Variants in SSR3 observed in about 807,000 individuals in gnomAD.
SSR3 encodes signal sequence receptor subunit 3.
In SSR3, 10 loss-of-function variants were observed where a neutral mutation model predicts 22.1. The observed-to-expected ratio is 0.45, with a 90% CI of 0.28 to 0.77. The LOEUF (loss-of-function observed/expected upper bound fraction) is 0.77. Among genes scored for constraint, SSR3 ranks in the 30% least tolerant of loss-of-function variants. The pLI is 0.13. For missense variants in SSR3, 181 were observed against 220.5 expected, an observed-to-expected ratio of 0.82 and a Z score of 1.13; for synonymous variants, 104 against 82.5, an observed-to-expected ratio of 1.26 and a Z score of -1.42.
chr3:156,550,914 A>C (rs2108449409), intron 2 of SSR3, among the ~76,000 whole-genome samples: 1 of 152,266 alleles, frequency 6.6e-6, no homozygotes, highest in Non-Finnish European at 1.5e-5. Context: ...TTTATAGCTG[A>C]GGAATCTGAA....
Position 156,544,455 on chromosome 3 carries a change from C to A in SSR3, c.360-16G>T. The A allele has an allele frequency of 1.3e-6, 2 of 1,514,026 alleles. No individual in the cohort carries two copies. The highest frequency in any genetic ancestry group is 1.4e-5 in the South Asian group (1 of 72,412). 93.8% of individuals were successfully genotyped at this position (1,514,026 alleles called of 1,614,324 possible). A position where few individuals can be genotyped will look rare whatever the true frequency, so the allele number is the denominator to read the frequency against. ...CCACAAGATTCTACAGACACAGAAACAAGTCAAACAAGCTTATAAATATGA... is the reference window on the plus strand; with the variant it reads ...CCACAAGATTCTACAGACACAGAAAAAAGTCAAACAAGCTTATAAATATGA... On this transcript the variant is annotated splice_polypyrimidine_tract_variant and intron_variant, in intron 3 of 4. Transcript: ENST00000265044.
intron 2 of SSR3, 112 bp downstream of exon 2, chr3:156,553,541 AAT>A: frequency 9.5e-7 from 1 of 1,057,570 alleles, no homozygotes; most frequent in South Asian, 2.0e-5. Context: ...AATGTTTATT[AAT>A]ATATATATCT....
Position 156,542,153 on chromosome 3 carries a change from A to T in SSR3, c.*1050T>A, listed in dbSNP as rs962879696. ...AGTCATGGCATACACAAGAAATGATATCTGTACATACACGGGTAAAAAAAT... is the reference window on the plus strand; with the variant it reads ...AGTCATGGCATACACAAGAAATGATTTCTGTACATACACGGGTAAAAAAAT... On this transcript the variant is annotated 3_prime_UTR_variant, in exon 5 of 5. Transcript: ENST00000265044. The T allele has an allele frequency of 6.6e-6, 1 of 152,226 alleles. No individual in the cohort carries two copies. Among genetic ancestry groups the T allele is most frequent in the African/African-American group, 2.4e-5 (1 of 41,454 alleles). 9.4% of individuals were successfully genotyped at this position (152,226 alleles called of 1,614,324 possible). A position where few individuals can be genotyped will look rare whatever the true frequency, so the allele number is the denominator to read the frequency against.
chr3:156,543,391 T>C (rs1216603953), intron 4 of SSR3, 122 bp from the exon 5 acceptor site: 2 of 653,472 alleles, frequency 3.1e-6, no homozygotes, highest in East Asian at 2.8e-5. Flanking sequence ...ATCATAATGA[T>C]GTGCAGCCCC....
Position 156,541,363 on chromosome 3 carries a change from G to C in SSR3, c.*1840C>G, listed in dbSNP as rs941329232. 6 of 152,082 alleles carry C rather than the reference G, an allele frequency of 3.9e-5. No homozygotes were observed. The highest frequency in any genetic ancestry group is 1.5e-5 in the Non-Finnish European group (1 of 68,022). 9.4% of individuals were successfully genotyped at this position (152,082 alleles called of 1,614,324 possible). A position where few individuals can be genotyped will look rare whatever the true frequency, so the allele number is the denominator to read the frequency against. ...TTGATACACAAATTCCATGCCACCAGTCAAACTATGGTCTGGCTTTTTTTT... is the reference window on the plus strand; with the variant it reads ...TTGATACACAAATTCCATGCCACCACTCAAACTATGGTCTGGCTTTTTTTT... On this transcript the variant is annotated 3_prime_UTR_variant, in exon 5 of 5. Coordinates refer to ENST00000265044, the MANE Select transcript of SSR3 (RefSeq NM_007107.5).
At chr3:156,550,494 G>T (rs1212267951) in intron 2 of SSR3, among the ~76,000 whole-genome samples, 2 of 152,300 alleles carry the variant, frequency 1.3e-5, no homozygotes, top group African/African-American at 4.8e-5. Flanking sequence ...AACTCAAGAG[G>T]AGGAAGCCCT....
At chr3:156,548,406 C>T (rs1017828927) in intron 3 of SSR3, among the ~76,000 whole-genome samples, 2 of 152,198 alleles carry the variant, frequency 1.3e-5, no homozygotes, top group African/African-American at 4.8e-5. Flanking sequence ...ACCACATAGA[C>T]ATGCTAACAC....
intron 3 of SSR3, among the ~76,000 whole-genome samples, chr3:156,544,968 A>G (rs1576999445): frequency 6.6e-6 from 1 of 152,322 alleles, no homozygotes; most frequent in East Asian, 1.9e-4. Flanking sequence ...AGAGCGCTTA[A>G]TCATTAGGAG....
chr3:156,549,430 T>C (rs1208470879), intron 2 of SSR3, among the ~76,000 whole-genome samples: 2 of 152,192 alleles, frequency 1.3e-5, no homozygotes, highest in East Asian at 1.9e-4. Flanking sequence ...GAGCGAAAAC[T>C]AGGCTTAAAC....
In SSR3 at chr3:156,555,030, G is replaced by A. The variant is rs1334467778; in HGVS notation, c.60C>T (p.Phe20=). ...AGGACTTGGCCGAGAGATTGCGGCT[G>A]AAATCCTGCAGGAGCAGGTCCTCCT... ...QSEEDLLLQD[F]SRNLSAKSSA... is the part of the protein sequence containing the mutation. Residue 20 remains phenylalanine (F), a synonymous_variant, in exon 1 of 5, where the codon TTC becomes TTT. Transcript: ENST00000265044. 1.9e-6 allele frequency: 3 copies of A among 1,613,942 alleles called. No individual in the cohort carries two copies. In the Admixed American group the frequency reaches 5.0e-5, roughly 27 times the overall value.
At chr3:156,553,840 A>G in intron 1 of SSR3, 59 bp from the exon 2 acceptor site, 1 of 1,520,188 alleles carries the variant, frequency 6.6e-7, no homozygotes, top group Non-Finnish European at 8.9e-7. Context: ...CAACCCCGCA[A>G]CAAAAGCCTG....
Position 156,540,976 on chromosome 3 carries a change from T to G in SSR3, c.*2227A>C. On this transcript the variant is annotated 3_prime_UTR_variant, in exon 5 of 5. Coordinates refer to ENST00000265044, the MANE Select transcript of SSR3 (RefSeq NM_007107.5). ...AACTACTGAACTGTGAGTATATGCT[T>G]TATAATCTTATGCACAGAAATGTAT... The G allele has an allele frequency of 6.6e-6, 1 of 152,236 alleles. No homozygotes were observed. Among genetic ancestry groups the G allele is most frequent in the East Asian group, 1.9e-4 (1 of 5,200 alleles). 9.4% of individuals were successfully genotyped at this position (152,236 alleles called of 1,614,324 possible).
intron 3 of SSR3, 149 bp from the exon 4 acceptor site, chr3:156,544,588 T>G: frequency 1.8e-6 from 1 of 547,572 alleles, no homozygotes; most frequent in Non-Finnish European, 2.9e-6. Context: ...TTAGTCAGAA[T>G]TGTCCCCTTT....
At chr3:156,548,770 T>G in intron 3 of SSR3, 135 bp downstream of exon 3, 1 of 1,052,432 alleles carries the variant, frequency 9.5e-7, no homozygotes. Flanking sequence ...TATTACTATT[T>G]CCATTACTAC....
chr3:156,554,833 A>T lies in SSR3; in HGVS notation c.133+124T>A, dbSNP rs1051539125. ...CTCCGTGCCTCCCCGAGCTCAGGGG[A>T]GCTGGAGAGATTGCCGACCCCCGGC... On this transcript the variant is annotated intron_variant, in intron 1 of 4. Transcript: ENST00000265044. The T allele has an allele frequency of 6.2e-6, 8 of 1,293,070 alleles. No homozygotes were observed. In the South Asian group the frequency reaches 1.1e-4, roughly 18 times the overall value. 80.1% of individuals were successfully genotyped at this position (1,293,070 alleles called of 1,614,324 possible).
At chr3:156,551,589 G>A (rs1407739196) in intron 2 of SSR3, 1 of 152,186 alleles carries the variant, frequency 6.6e-6, no homozygotes, top group African/African-American at 2.4e-5. Flanking sequence ...GAAAACCTGA[G>A]CTCGTTTGTG....
At chr3:156,554,818 C>A (rs973244882) in intron 1 of SSR3, 139 bp downstream of exon 1, 7 of 1,163,418 alleles carry the variant, frequency 6.0e-6, no homozygotes, top group African/African-American at 3.1e-5. Context: ...CTCCGTGCCT[C>A]CCCGAGCTCA....
At chr3:156,550,685 T>TA (rs1719919249) in intron 2 of SSR3, among the ~76,000 whole-genome samples, 3 of 152,084 alleles carry the variant, frequency 2.0e-5, no homozygotes, top group South Asian at 2.1e-4. Flanking sequence ...AAATTAAAAA[T>TA]AAAAAAAGAC....
intron 2 of SSR3, among the ~76,000 whole-genome samples, chr3:156,552,151 A>G (rs1283792222): frequency 6.6e-6 from 1 of 152,018 alleles, no homozygotes; most frequent in Non-Finnish European, 1.5e-5. Flanking sequence ...ATATACAAAA[A>G]TTAGCCAGGC....
Sources: gnomAD v4.1 joint callset for allele counts (sites outside exome capture counted in the v4.1 genomes callset) on GRCh38, gnomAD v4.1.1 for gene constraint, MANE v1.5 for transcripts, NCBI Gene and HGNC (gene_info 2026-07-23, HGNC 2026-07-21) for gene names.